Variants in CDH19 observed in about 807,000 individuals in gnomAD.
The protein encoded by CDH19 is cadherin 19, also known as cadherin-19.
In CDH19, 67 loss-of-function variants were observed where a neutral mutation model predicts 64.2. That is an observed-to-expected ratio of 1.04 (90% CI 0.86 to 1.28). CDH19 has a LOEUF of 1.28. Ranked by LOEUF, CDH19 falls within the 50% of genes most tolerant of loss-of-function variation. The pLI is 0.00. For missense variants in CDH19, 1,030 were observed against 929.0 expected (o/e 1.11, Z -1.41); for synonymous variants, 346 against 319.3 (o/e 1.08, Z -0.89).
chr18:66,532,505 C>CACACACACAT, intron 8 of CDH19: 1 of 266,244 alleles, frequency 3.8e-6, no homozygotes. Context: ...CACACACACA[C>CACACACACAT]ACACACACAC....
In CDH19 at chr18:66,529,894, A is replaced by T; in HGVS notation, c.1409T>A (p.Phe470Tyr). 1 of 1,593,434 alleles carries T rather than the reference A, an allele frequency of 6.3e-7. No individual in the cohort carries two copies. Among genetic ancestry groups the T allele is most frequent in the Non-Finnish European group, 8.6e-7 (1 of 1,165,612 alleles). ...VLNINDHAPE[F>Y]SQYYETYVCE... is the part of the protein sequence containing the mutation. Reference sequence around the variant, plus strand: ...AACATAAGTCTCATAGTATTGAGAGAACTCAGGAGCATGATCATTGATGTT... The same window carrying T: ...AACATAAGTCTCATAGTATTGAGAGTACTCAGGAGCATGATCATTGATGTT... Residue 470 changes from phenylalanine to tyrosine, a missense_variant, in exon 9 of 12, where the codon TTC becomes TAC. Phe to Tyr is a conservative substitution (Grantham distance 22). Transcript: ENST00000262150.
At chr18:66,566,738 C>T (rs1243442619) in intron 3 of CDH19, among the ~76,000 whole-genome samples, 1 of 151,824 alleles carries the variant, frequency 6.6e-6, no homozygotes, top group Non-Finnish European at 1.5e-5. Context: ...TCATATTTTT[C>T]CCTTCTTCCT....
chr18:66,549,897 C>T (rs1007450056), intron 5 of CDH19, among the ~76,000 whole-genome samples: 2 of 151,850 alleles, frequency 1.3e-5, no homozygotes, highest in South Asian at 4.1e-4. Flanking sequence ...TATTCATGGA[C>T]TCAACTACTG....
chr18:66,514,296 GA>G (rs1985634494), intron 9 of CDH19, among the ~76,000 whole-genome samples: 1 of 151,366 alleles, frequency 6.6e-6, no homozygotes, highest in South Asian at 2.1e-4. Context: ...TAAAAGACAT[GA>G]AATTCCAAAA....
chr18:66,544,824 T>A lies in CDH19; in HGVS notation c.855A>T (p.Ile285=). 1 of 1,612,324 alleles carries A rather than the reference T, an allele frequency of 6.2e-7. No homozygotes were observed. The highest frequency in any genetic ancestry group is 1.1e-5 in the South Asian group (1 of 91,024). The part of the protein sequence containing the change: ...IGTIMAYDND[I]GENAEMDYSI... ...TGTAATCCATTTCTGCATTCTCTCC[T>A]ATGTCATTATCATATGCCATGATTG... Residue 285 remains isoleucine (I), a synonymous_variant, in exon 6 of 12, where the codon ATA becomes ATT. Transcript: ENST00000262150.
intron 3 of CDH19, among the ~76,000 whole-genome samples, chr18:66,555,151 G>A (rs190921481): frequency 4.6e-5 from 7 of 151,566 alleles, no homozygotes; most frequent in African/African-American, 1.7e-4. Context: ...AAAATCATAT[G>A]GAATAATTAT....
At chr18:66,529,276 T>C (rs184222836) in intron 9 of CDH19, among the ~76,000 whole-genome samples, 3 of 151,586 alleles carry the variant, frequency 2.0e-5, no homozygotes, top group East Asian at 3.9e-4. Flanking sequence ...TGGTGTATTT[T>C]CCCTCCATAT....
At chr18:66,541,204 A>T (rs1451891896) in intron 7 of CDH19, among the ~76,000 whole-genome samples, 1 of 152,134 alleles carries the variant, frequency 6.6e-6, no homozygotes, top group Non-Finnish European at 1.5e-5. Flanking sequence ...TCCATGCTTT[A>T]CAGAAACAGC....
At chr18:66,598,748 G>C (rs569858169) in intron 1 of CDH19, among the ~76,000 whole-genome samples, 21 of 152,118 alleles carry the variant, frequency 1.4e-4, no homozygotes, top group South Asian at 4.1e-4. Context: ...CACTACCTGG[G>C]TGATGATATA....
In CDH19 at chr18:66,501,113, A is replaced by G. The variant is rs1984921493; in HGVS notation, c.*3699T>C. On this transcript the variant is annotated 3_prime_UTR_variant, in exon 12 of 12. Transcript: ENST00000262150. ...AAAAATACTTTAATTCCATATTAAT[A>G]TTCTATAAAAATAGTCAATGGAAAC... 6.6e-6 allele frequency: 1 copy of G among 152,176 alleles called. No individual in the cohort carries two copies. The highest frequency in any genetic ancestry group is 6.6e-5 in the Admixed American group (1 of 15,266). 9.4% of individuals were successfully genotyped at this position (152,176 alleles called of 1,614,324 possible).
intron 11 of CDH19, among the ~76,000 whole-genome samples, chr18:66,506,419 G>A (rs867016751): frequency 3.9e-5 from 6 of 151,920 alleles, no homozygotes; most frequent in Middle Eastern, 3.4e-3. Flanking sequence ...ACAACACACT[G>A]TACCCCATAA....
intron 3 of CDH19, among the ~76,000 whole-genome samples, chr18:66,557,366 G>C (rs1324969982): frequency 1.3e-5 from 2 of 151,950 alleles, no homozygotes; most frequent in Non-Finnish European, 2.9e-5. Flanking sequence ...GTAACCAAAA[G>C]TTACTTCTTC....
chr18:66,574,482 G>A (rs766994873), intron 1 of CDH19, among the ~76,000 whole-genome samples: 3 of 151,082 alleles, frequency 2.0e-5, no homozygotes, highest in African/African-American at 4.9e-5. Context: ...TATGATTAAT[G>A]GCATATTATT....
intron 3 of CDH19, among the ~76,000 whole-genome samples, chr18:66,562,661 ATCTC>A (rs1209295647): frequency 6.6e-6 from 1 of 152,094 alleles, no homozygotes; most frequent in Non-Finnish European, 1.5e-5. Flanking sequence ...TAGTTTGGTC[ATCTC>A]TGGAAATTGC....
In CDH19 at chr18:66,543,348, C is replaced by T. The variant is rs1007292525; in HGVS notation, c.1214+623G>A. Among the ~76,000 whole-genome samples the T allele has an allele frequency of 1.4e-4, 22 of 151,944 alleles. 1 individual carries two copies. The highest frequency in any genetic ancestry group is 5.9e-5 in the Non-Finnish European group (4 of 67,942). On this transcript the variant is annotated intron_variant, in intron 7 of 11. Transcript: ENST00000262150. ...TGCCTTAAATAAGCCACATTTTGAT[C>T]AGCTTTGTTTCAGCTCTAATTGGGG...
intron 9 of CDH19, among the ~76,000 whole-genome samples, chr18:66,521,530 T>TATTTA (rs1168665817): frequency 0.19 from 27,509 of 143,256 alleles, 2,859 homozygotes; most frequent in South Asian, 0.29. Context: ...TTATTTTGTT[T>TATTTA]GTTTGTTTGT....
intron 3 of CDH19, among the ~76,000 whole-genome samples, chr18:66,567,510 C>A (rs1987953163): frequency 6.6e-6 from 1 of 151,672 alleles, no homozygotes; most frequent in Non-Finnish European, 1.5e-5. Context: ...TATTTAAAGA[C>A]CTATGTTCCA....
intron 1 of CDH19, among the ~76,000 whole-genome samples, chr18:66,597,142 G>A (rs1311935392): frequency 1.7e-4 from 13 of 78,362 alleles, no homozygotes; most frequent in Admixed American, 2.8e-4. Flanking sequence ...AGAGCCCAAA[G>A]AGCCAAAGCA....
At chr18:66,522,878 AAAT>A (rs1391519567) in intron 9 of CDH19, among the ~76,000 whole-genome samples, 2 of 151,760 alleles carry the variant, frequency 1.3e-5, no homozygotes, top group Non-Finnish European at 2.9e-5. Context: ...AATTTGATAG[AAAT>A]AATGTTTACC....
Sources: allele counts gnomAD v4.1 joint callset (sites outside exome capture counted in the v4.1 genomes callset), GRCh38; gene constraint gnomAD v4.1.1; transcripts MANE v1.5; gene names NCBI Gene and HGNC (gene_info 2026-07-23, HGNC 2026-07-21).